The following ANKRD33B variants were observed in gnomAD, a reference collection of about 807,000 sequenced individuals.
ANKRD33B encodes the protein ankyrin repeat domain 33B.
Under a neutral mutation model 21.5 loss-of-function variants are expected in ANKRD33B, and 6 were observed. The ratio of observed to expected loss-of-function variants is 0.28; its 90% CI spans 0.15 to 0.55. ANKRD33B has a LOEUF of 0.55. Ranked by LOEUF, ANKRD33B falls within the 20% of genes least tolerant of loss-of-function variation. The pLI, the probability that ANKRD33B is intolerant of heterozygous loss-of-function variation, is 0.94. For missense variants in ANKRD33B, 698 were observed against 747.2 expected, an observed-to-expected ratio of 0.93 and a Z score of 0.77; for synonymous variants, 347 against 342.4, an observed-to-expected ratio of 1.01 and a Z score of -0.15.
intron 2 of ANKRD33B, among the ~76,000 whole-genome samples, chr5:10,624,555 G>A (rs1736501317): frequency 6.6e-6 from 1 of 152,082 alleles, no homozygotes; most frequent in African/African-American, 2.4e-5. Flanking sequence ...ACCCAACCTA[G>A]GCTGCTGCCT....
intron 1 of ANKRD33B, among the ~76,000 whole-genome samples, chr5:10,603,006 G>GT (rs927956824): frequency 7.2e-5 from 11 of 152,098 alleles, no homozygotes; most frequent in African/African-American, 2.2e-4. Flanking sequence ...TAGAGACGCG[G>GT]TTTTGCCATG....
intron 1 of ANKRD33B, among the ~76,000 whole-genome samples, chr5:10,583,036 G>A (rs1055269900): frequency 7.4e-5 from 11 of 147,924 alleles, no homozygotes; most frequent in South Asian, 2.1e-4. Flanking sequence ...TTGCTCTGTC[G>A]CCCAGGCTGG....
At chr5:10,568,777 C>T (rs1305733400) in intron 1 of ANKRD33B, among the ~76,000 whole-genome samples, 1 of 152,154 alleles carries the variant, frequency 6.6e-6, no homozygotes, top group African/African-American at 2.4e-5. Context: ...TCAAGTGATC[C>T]TCTTGCTTGG....
At chr5:10,600,447 C>T (rs566300298) in intron 1 of ANKRD33B, among the ~76,000 whole-genome samples, 1 of 152,292 alleles carries the variant, frequency 6.6e-6, no homozygotes, top group African/African-American at 2.4e-5. Flanking sequence ...ATATTTTGTT[C>T]AATGTAATAT....
Position 10,564,906 on chromosome 5 carries a change from G to A in ANKRD33B, c.366+73G>A. On this transcript the variant is annotated intron_variant, in intron 1 of 3. Coordinates refer to ENST00000296657, the MANE Select transcript of ANKRD33B (RefSeq NM_001164440.2). ...CCCCTCCTCCCCACCACATCCCCGC[G>A]CCTCCCAGCTCCTGGCTCCGGACCG... 2.8e-6 allele frequency: 4 copies of A among 1,431,088 alleles called. No individual in the cohort carries two copies. In the South Asian group the frequency reaches 5.7e-5, roughly 20 times the overall value. 88.6% of individuals were successfully genotyped at this position (1,431,088 alleles called of 1,614,324 possible). A position where few individuals can be genotyped will look rare whatever the true frequency, so the allele number is the denominator to read the frequency against.
At position 10,576,223 on chromosome 5, in the gene ANKRD33B, G is replaced by A. The variant is rs879388291; in HGVS notation, c.366+11390G>A. On this transcript the variant is annotated intron_variant, in intron 1 of 3. Coordinates refer to ENST00000296657, the MANE Select transcript of ANKRD33B (RefSeq NM_001164440.2). The surrounding 1 kb of genome is among the most constrained non-coding windows in gnomAD (Gnocchi z 4.1). The stretch of plus-strand genomic sequence containing the variant: ...TCCTGTAGCCTTGTTTCCATGAATC[G>A]ATTGAATTTTGGACATGAAAGCAGG... 1.6e-4 allele frequency among the ~76,000 whole-genome samples: 24 copies of A among 152,116 alleles called. No homozygotes were observed. Among genetic ancestry groups the A allele is most frequent in the Non-Finnish European group, 2.2e-4 (15 of 68,028 alleles).
chr5:10,582,853 G>A (rs1307722246), intron 1 of ANKRD33B, among the ~76,000 whole-genome samples: 4 of 152,190 alleles, frequency 2.6e-5, no homozygotes, highest in South Asian at 2.1e-4. Flanking sequence ...TTCATTCTGC[G>A]TTGTTTTATA....
chr5:10,576,432 C>T lies in ANKRD33B; in HGVS notation c.366+11599C>T, dbSNP rs924558304. 6.6e-6 allele frequency among the ~76,000 whole-genome samples: 1 copy of T among 152,154 alleles called. No individual in the cohort carries two copies. Among genetic ancestry groups the T allele is most frequent in the African/African-American group, 2.4e-5 (1 of 41,422 alleles). ...AAGGTCCTGAGATGATTTGCACATA[C>T]ATTTAAGTTTCAGGAGTTCTAGAAC... On this transcript the variant is annotated intron_variant, in intron 1 of 3. Coordinates refer to ENST00000296657, the MANE Select transcript of ANKRD33B (RefSeq NM_001164440.2). This position sits in a 1 kb window ranked among gnomAD's most constrained non-coding sequence, Gnocchi z 4.1.
At chr5:10,584,669 AC>A (rs1247297305) in intron 1 of ANKRD33B, among the ~76,000 whole-genome samples, 2 of 152,178 alleles carry the variant, frequency 1.3e-5, no homozygotes, top group Admixed American at 6.5e-5. Context: ...TATTTATTGG[AC>A]AGGGGTACCT....
intron 2 of ANKRD33B, chr5:10,625,097 A>G (rs1000341693): frequency 6.2e-5 from 15 of 243,048 alleles, no homozygotes; most frequent in African/African-American, 3.1e-4. Flanking sequence ...TCACGGAATT[A>G]AAGTGAAAAT....
At chr5:10,636,961 G>A (rs1371083232) in intron 2 of ANKRD33B, among the ~76,000 whole-genome samples, 1 of 152,216 alleles carries the variant, frequency 6.6e-6, no homozygotes, top group Non-Finnish European at 1.5e-5. Flanking sequence ...CATCTATCGG[G>A]TAGAGACCAG....
intron 2 of ANKRD33B, 28 bp from the exon 3 acceptor site, chr5:10,638,000 C>A: frequency 6.5e-7 from 1 of 1,534,002 alleles, no homozygotes; most frequent in Non-Finnish European, 8.7e-7. Flanking sequence ...AAGTGGGAAC[C>A]AATACACGTG....
intron 1 of ANKRD33B, among the ~76,000 whole-genome samples, chr5:10,585,543 A>G (rs2126556077): frequency 6.6e-6 from 1 of 152,358 alleles, no homozygotes; most frequent in East Asian, 1.9e-4. Flanking sequence ...AAAGAAACGC[A>G]CTGAGAAACA....
chr5:10,596,556 C>T (rs746278325), intron 1 of ANKRD33B, among the ~76,000 whole-genome samples: 6 of 152,070 alleles, frequency 3.9e-5, no homozygotes, highest in Non-Finnish European at 7.4e-5. Context: ...GTAAAGAGAT[C>T]GAACCTACAA....
intron 1 of ANKRD33B, among the ~76,000 whole-genome samples, chr5:10,591,280 C>T (rs372598747): frequency 1.4e-5 from 2 of 147,060 alleles, no homozygotes; most frequent in East Asian, 2.1e-4. Flanking sequence ...GCAACCTCCC[C>T]CTCCCAGTTT....
chr5:10,590,502 C>T (rs1288867493), intron 1 of ANKRD33B, among the ~76,000 whole-genome samples: 2 of 152,188 alleles, frequency 1.3e-5, no homozygotes, highest in Admixed American at 6.5e-5. Flanking sequence ...GCTTATCCAA[C>T]CCCTGGCCTG....
At chr5:10,596,005 T>C (rs1005389482) in intron 1 of ANKRD33B, among the ~76,000 whole-genome samples, 4 of 152,322 alleles carry the variant, frequency 2.6e-5, no homozygotes, top group East Asian at 1.9e-4. Flanking sequence ...TTTGAAAATA[T>C]CATGTTTCGC....
At chr5:10,591,610 A>T (rs1386286939) in intron 1 of ANKRD33B, among the ~76,000 whole-genome samples, 1 of 152,188 alleles carries the variant, frequency 6.6e-6, no homozygotes, top group Admixed American at 6.5e-5. Flanking sequence ...TCTTTTGTGA[A>T]GATCTGAAAT....
chr5:10,594,793 G>A (rs982028253), intron 1 of ANKRD33B, among the ~76,000 whole-genome samples: 1 of 152,206 alleles, frequency 6.6e-6, no homozygotes, highest in Non-Finnish European at 1.5e-5. Flanking sequence ...TTCGGCACTG[G>A]GAAACCTTGT....
Sources: gnomAD v4.1 joint callset for allele counts (sites outside exome capture counted in the v4.1 genomes callset) on GRCh38, gnomAD v4.1.1 for gene constraint, Gnocchi (gnomAD v3.1) non-coding constraint, MANE v1.5 for transcripts, NCBI Gene and HGNC (gene_info 2026-07-23, HGNC 2026-07-21) for gene names.